The following REDIC1 variants were observed in gnomAD, a reference collection of about 807,000 sequenced individuals.
REDIC1 encodes regulator of DNA class I crossover intermediates 1, also known as HEI10 Interacting Protein 1.
chr12:39,632,938 C>T, the REDIC1 span, among the ~76,000 whole-genome samples: 1 of 152,092 alleles, frequency 6.6e-6, no homozygotes, highest in East Asian at 1.9e-4. Flanking sequence ...AGCATTAGGA[C>T]ATTACTGTAT....
chr12:39,829,898 G>A, the REDIC1 span: 3 of 634,814 alleles, frequency 4.7e-6, no homozygotes, highest in Admixed American at 2.9e-5. Flanking sequence ...GTCTCCAAAA[G>A]TCTAGGCCTG....
the REDIC1 span, chr12:39,819,772 C>T: frequency 6.6e-6 from 1 of 152,440 alleles, no homozygotes; most frequent in African/African-American, 2.4e-5. Flanking sequence ...TTTCTGAATA[C>T]ATTTAAAAGG....
At chr12:39,861,799 A>G in the REDIC1 span, among the ~76,000 whole-genome samples, 10 of 152,210 alleles carry the variant, frequency 6.6e-5, no homozygotes, top group Admixed American at 1.3e-4. Context: ...AACATTTTCT[A>G]TAGCAACTTG....
At chr12:39,628,994 G>C in the REDIC1 span, among the ~76,000 whole-genome samples, 1 of 152,062 alleles carries the variant, frequency 6.6e-6, no homozygotes, top group Non-Finnish European at 1.5e-5. Context: ...ATGCTGTATA[G>C]AAAGATGAGT....
the REDIC1 span, among the ~76,000 whole-genome samples, chr12:39,880,781 C>G: frequency 6.6e-6 from 1 of 152,196 alleles, no homozygotes; most frequent in Non-Finnish European, 1.5e-5. Context: ...CTGGCGGCCT[C>G]AGGAAAGACC....
the REDIC1 span, among the ~76,000 whole-genome samples, chr12:39,891,101 C>T: frequency 1.4e-5 from 2 of 146,240 alleles, no homozygotes; most frequent in Non-Finnish European, 3.0e-5. Context: ...CTAAGAATCT[C>T]TCAAAGTTTC....
At chr12:39,642,959 C>T in the REDIC1 span, among the ~76,000 whole-genome samples, 1 of 151,734 alleles carries the variant, frequency 6.6e-6, no homozygotes, top group African/African-American at 2.4e-5. Context: ...TGATATGTAA[C>T]CTCTTCAAAT....
At chr12:39,755,143 T>TA in the REDIC1 span, 1 of 152,010 alleles carries the variant, frequency 6.6e-6, no homozygotes, top group Middle Eastern at 3.2e-3. Context: ...TAAAATAACT[T>TA]AAAAAACATT....
At chr12:39,892,387 G>C in the REDIC1 span, among the ~76,000 whole-genome samples, 2 of 152,154 alleles carry the variant, frequency 1.3e-5, no homozygotes, top group Non-Finnish European at 2.9e-5. Flanking sequence ...TGTCTGGCCC[G>C]GCCACAGGAC....
At chr12:39,737,902 A>G in the REDIC1 span, among the ~76,000 whole-genome samples, 3 of 152,188 alleles carry the variant, frequency 2.0e-5, no homozygotes, top group Non-Finnish European at 4.4e-5. Context: ...CCTGTGGTTC[A>G]CATTTGAGTG....
At chr12:39,692,257 G>A in the REDIC1 span, 6 of 725,784 alleles carry the variant, frequency 8.3e-6, no homozygotes, top group Admixed American at 1.6e-4. Context: ...CAATTGACTC[G>A]TTAAAATTAC....
the REDIC1 span, among the ~76,000 whole-genome samples, chr12:39,876,389 A>G: frequency 1.3e-5 from 2 of 152,210 alleles, no homozygotes; most frequent in African/African-American, 4.8e-5. Flanking sequence ...CTAAGTTCCT[A>G]TTTGAACAAA....
At chr12:39,714,452 G>A in the REDIC1 span, among the ~76,000 whole-genome samples, 4 of 151,128 alleles carry the variant, frequency 2.6e-5, no homozygotes, top group African/African-American at 7.3e-5. Context: ...TCATCCACTC[G>A]TTGATTGATG....
the REDIC1 span, among the ~76,000 whole-genome samples, chr12:39,697,405 G>GA: frequency 6.6e-6 from 1 of 152,142 alleles, no homozygotes; most frequent in African/African-American, 2.4e-5. Context: ...TAATGAGCAA[G>GA]AAGAAATCAT....
the REDIC1 span, among the ~76,000 whole-genome samples, chr12:39,900,929 C>T: frequency 6.6e-6 from 1 of 152,186 alleles, no homozygotes; most frequent in African/African-American, 2.4e-5. Context: ...CGCTACCTGA[C>T]TTCAAACTAT....
At chr12:39,748,489 C>T in the REDIC1 span, among the ~76,000 whole-genome samples, 1,212 of 152,290 alleles carry the variant, frequency 8.0e-3, 18 homozygotes, top group African/African-American at 0.028. Flanking sequence ...TAACACCCCA[C>T]TGTCAACATT....
the REDIC1 span, among the ~76,000 whole-genome samples, chr12:39,667,724 G>C: frequency 6.6e-6 from 1 of 152,058 alleles, no homozygotes; most frequent in African/African-American, 2.4e-5. Context: ...GGTCTCTAAT[G>C]ACTTGCTTTG....
the REDIC1 span, among the ~76,000 whole-genome samples, chr12:39,820,389 T>C: frequency 9.2e-5 from 14 of 152,328 alleles, no homozygotes; most frequent in East Asian, 1.9e-4. Context: ...GGAATTGTGA[T>C]TGGCATTGGT....
chr12:39,891,712 A>G, the REDIC1 span, among the ~76,000 whole-genome samples: 1 of 152,298 alleles, frequency 6.6e-6, no homozygotes. Flanking sequence ...GAAGTTATGA[A>G]CATGCCTTAG....
Sources: allele counts gnomAD v4.1 joint callset (sites outside exome capture counted in the v4.1 genomes callset), GRCh38; gene constraint gnomAD v4.1.1; transcripts MANE v1.5; gene names NCBI Gene and HGNC (gene_info 2026-07-23, HGNC 2026-07-21).